The following FGGY variants were observed in gnomAD, a reference collection of about 807,000 sequenced individuals.
FGGY encodes the protein FGGY carbohydrate kinase domain containing.
In FGGY, 72 loss-of-function variants were observed where a neutral mutation model predicts 71.3. That is an observed-to-expected ratio of 1.01 (90% CI 0.84 to 1.23). The LOEUF (loss-of-function observed/expected upper bound fraction) is 1.23, where lower values mean the gene tolerates loss of function less well. FGGY is among the 50% of genes most tolerant of loss of function. The pLI is 0.00. For missense variants in FGGY, 668 were observed against 682.3 expected (o/e 0.98, Z 0.23); for synonymous variants, 251 against 250.3 (o/e 1.00, Z -0.02).
chr1:59,352,829 C>T (rs1286445087), intron 4 of FGGY, among the ~76,000 whole-genome samples: 2 of 152,160 alleles, frequency 1.3e-5, no homozygotes, highest in African/African-American at 2.4e-5. Flanking sequence ...ATAATAACAC[C>T]TTTTCTCTAT....
intron 6 of FGGY, among the ~76,000 whole-genome samples, chr1:59,478,406 A>G (rs1374523270): frequency 2.0e-5 from 3 of 152,074 alleles, no homozygotes; most frequent in Non-Finnish European, 4.4e-5. Context: ...TTTTGTTCCC[A>G]TGTTTGGTTT....
intron 8 of FGGY, among the ~76,000 whole-genome samples, chr1:59,607,369 A>T (rs35171990): frequency 6.6e-6 from 1 of 152,102 alleles, no homozygotes; most frequent in East Asian, 1.9e-4. Context: ...TGGAAAACTG[A>T]CCCAGTGTCA....
At chr1:59,499,919 ATGTG>A in intron 6 of FGGY, among the ~76,000 whole-genome samples, 1 of 151,824 alleles carries the variant, frequency 6.6e-6, no homozygotes, top group East Asian at 1.9e-4. Flanking sequence ...ATATATATGT[ATGTG>A]TGTGTGTGTA....
At chr1:59,520,181 T>G (rs2094785987) in intron 7 of FGGY, among the ~76,000 whole-genome samples, 1 of 152,232 alleles carries the variant, frequency 6.6e-6, no homozygotes, top group Non-Finnish European at 1.5e-5. Flanking sequence ...TTCAGCTTAT[T>G]TCTATAGAAG....
intron 1 of FGGY, among the ~76,000 whole-genome samples, chr1:59,299,097 C>T (rs903107681): frequency 2.0e-5 from 3 of 152,278 alleles, no homozygotes; most frequent in Admixed American, 2.0e-4. Context: ...GGGCAAATGG[C>T]TCAACATGGG....
chr1:59,553,293 A>C (rs2095637379), intron 7 of FGGY, among the ~76,000 whole-genome samples: 1 of 152,212 alleles, frequency 6.6e-6, no homozygotes, highest in African/African-American at 2.4e-5. Context: ...TGTGGCTTCC[A>C]CATCACACCT....
intron 14 of FGGY, among the ~76,000 whole-genome samples, chr1:59,721,333 C>CTTT (rs1193468922): frequency 4.4e-5 from 3 of 68,584 alleles, no homozygotes; most frequent in Admixed American, 2.4e-4. Context: ...CTTTTCTTTC[C>CTTT]TTTGTTTTTT....
chr1:59,755,390 C>G (rs2098281401), intron 14 of FGGY: 2 of 152,074 alleles, frequency 1.3e-5, no homozygotes. Context: ...CGCTCACAGT[C>G]TAGTTGGGGA....
chr1:59,446,835 G>A (rs1005852776), intron 5 of FGGY, among the ~76,000 whole-genome samples: 1 of 152,196 alleles, frequency 6.6e-6, no homozygotes, highest in Non-Finnish European at 1.5e-5. Flanking sequence ...CTTGAAAGTT[G>A]GGGCCTGGCA....
chr1:59,672,927 T>C (rs1414671199), intron 13 of FGGY, among the ~76,000 whole-genome samples: 4 of 152,330 alleles, frequency 2.6e-5, no homozygotes, highest in Non-Finnish European at 5.9e-5. Context: ...CCTCTGGGCA[T>C]TGGCATATGG....
At chr1:59,446,614 A>G (rs959477056) in intron 5 of FGGY, among the ~76,000 whole-genome samples, 2 of 152,114 alleles carry the variant, frequency 1.3e-5, no homozygotes, top group Non-Finnish European at 2.9e-5. Flanking sequence ...TTATCTCCCA[A>G]TGAGCTGTAT....
chr1:59,715,391 G>C (rs747700569), intron 14 of FGGY, among the ~76,000 whole-genome samples: 4 of 152,162 alleles, frequency 2.6e-5, no homozygotes, highest in Non-Finnish European at 5.9e-5. Context: ...AAAGTTGTGT[G>C]CTTTCCAGCA....
chr1:59,570,202 C>T (rs945825486), intron 8 of FGGY, among the ~76,000 whole-genome samples: 6 of 152,106 alleles, frequency 3.9e-5, no homozygotes, highest in African/African-American at 1.4e-4. Flanking sequence ...TTAACATGTG[C>T]CCAGGTGATT....
intron 6 of FGGY, among the ~76,000 whole-genome samples, chr1:59,499,036 C>A (rs2094135720): frequency 6.6e-6 from 1 of 152,138 alleles, no homozygotes; most frequent in South Asian, 2.1e-4. Flanking sequence ...CCATCCCTCC[C>A]CTCTTTAATG....
At chr1:59,580,458 A>G (rs1014509883) in intron 8 of FGGY, among the ~76,000 whole-genome samples, 9 of 152,020 alleles carry the variant, frequency 5.9e-5, no homozygotes, top group Middle Eastern at 3.2e-3. Context: ...CTCCAGTTTC[A>G]TACAACCTCC....
At chr1:59,556,936 A>G (rs2095696618) in intron 8 of FGGY, among the ~76,000 whole-genome samples, 1 of 152,178 alleles carries the variant, frequency 6.6e-6, no homozygotes, top group African/African-American at 2.4e-5. Context: ...TGCTGGAAAT[A>G]AAGTCCCCAC....
intron 1 of FGGY, among the ~76,000 whole-genome samples, chr1:59,305,093 G>A (rs567775514): frequency 1.3e-5 from 2 of 152,176 alleles, no homozygotes; most frequent in Middle Eastern, 6.8e-3. Context: ...TTCCAATACT[G>A]TGCTGAATAG....
At chr1:59,615,301 G>GAT (rs1422184228) in intron 9 of FGGY, among the ~76,000 whole-genome samples, 2 of 152,114 alleles carry the variant, frequency 1.3e-5, no homozygotes, top group Non-Finnish European at 2.9e-5. Context: ...TCATAACAGA[G>GAT]ATATAGACCA....
chr1:59,645,848 A>G (rs759748026), intron 11 of FGGY, among the ~76,000 whole-genome samples: 1 of 152,252 alleles, frequency 6.6e-6, no homozygotes, highest in Non-Finnish European at 1.5e-5. Flanking sequence ...TTAAAAGTAC[A>G]GAACTACCCA....
Sources: allele counts gnomAD v4.1 joint callset (sites outside exome capture counted in the v4.1 genomes callset), GRCh38; gene constraint gnomAD v4.1.1; transcripts MANE v1.5; gene names NCBI Gene and HGNC (gene_info 2026-07-23, HGNC 2026-07-21).